The following FGF14 variants were observed in gnomAD, a reference collection of about 807,000 sequenced individuals.
FGF14 encodes the protein fibroblast growth factor homologous factor 4.
In FGF14, 5 loss-of-function variants were observed where a neutral mutation model predicts 25.5. That is an observed-to-expected ratio of 0.20 (90% CI 0.10 to 0.41). FGF14 has a LOEUF of 0.41. Among genes scored for constraint, FGF14 ranks in the 10% least tolerant of loss-of-function variants. The pLI is 1.00. For synonymous variants in FGF14, 138 were observed against 118.3 expected, an observed-to-expected ratio of 1.17 and a Z score of -1.08; for missense variants, 222 against 320.1, an observed-to-expected ratio of 0.69 and a Z score of 2.34.
At chr13:101,977,176 T>G (rs61505981) in intron 1 of FGF14, among the ~76,000 whole-genome samples, 57,330 of 146,786 alleles carry the variant, frequency 0.39, 11,015 homozygotes, top group South Asian at 0.48. Flanking sequence ...ACAACACCCA[T>G]GAGGATCCCT....
At chr13:102,237,741 C>G (rs966999575) in intron 1 of FGF14, among the ~76,000 whole-genome samples, 2 of 152,142 alleles carry the variant, frequency 1.3e-5, no homozygotes, top group African/African-American at 2.4e-5. Flanking sequence ...GTAGAACTGA[C>G]CCCTGAACAC....
intron 3 of FGF14, among the ~76,000 whole-genome samples, chr13:101,813,783 A>C (rs912994662): frequency 6.6e-6 from 1 of 152,244 alleles, no homozygotes; most frequent in Non-Finnish European, 1.5e-5. Flanking sequence ...CTCTAATGGA[A>C]GTTAATGTAG....
chr13:102,187,464 C>T (rs933361590), intron 1 of FGF14, among the ~76,000 whole-genome samples: 11 of 152,120 alleles, frequency 7.2e-5, no homozygotes, highest in East Asian at 1.9e-4. Flanking sequence ...AGAGTTCAGC[C>T]GGATCTGACT....
At chr13:101,881,416 C>T (rs1227166380) in intron 1 of FGF14, among the ~76,000 whole-genome samples, 4 of 152,326 alleles carry the variant, frequency 2.6e-5, no homozygotes, top group African/African-American at 9.6e-5. Flanking sequence ...TTATTCATCA[C>T]ATACAAAGAT....
intron 1 of FGF14, among the ~76,000 whole-genome samples, chr13:101,972,313 G>C (rs1323009069): frequency 6.6e-6 from 1 of 152,198 alleles, no homozygotes; most frequent in Non-Finnish European, 1.5e-5. Context: ...ATGACTACCT[G>C]ACTCAGGGTG....
chr13:102,132,554 T>G (rs2046246591), intron 1 of FGF14, among the ~76,000 whole-genome samples: 1 of 150,934 alleles, frequency 6.6e-6, no homozygotes. Context: ...CAGGCCTGAG[T>G]GCAGTGGCAT....
chr13:101,888,591 C>A (rs2046112423), intron 1 of FGF14, among the ~76,000 whole-genome samples: 2 of 152,054 alleles, frequency 1.3e-5, no homozygotes, highest in Admixed American at 6.6e-5. Context: ...CAAGCTTACT[C>A]TGTTGCCTTA....
chr13:101,979,562 G>A (rs1286955619), intron 1 of FGF14, among the ~76,000 whole-genome samples: 3 of 152,146 alleles, frequency 2.0e-5, no homozygotes, highest in Admixed American at 1.3e-4. Flanking sequence ...CAAACCTGGT[G>A]TGTTATTTAT....
intron 1 of FGF14, among the ~76,000 whole-genome samples, chr13:102,084,376 T>C (rs1457957928): frequency 6.6e-6 from 1 of 152,248 alleles, no homozygotes; most frequent in African/African-American, 2.4e-5. Flanking sequence ...AACTAGTTAC[T>C]GGTAAATATT....
At chr13:102,022,001 C>T (rs767722091) in intron 1 of FGF14, among the ~76,000 whole-genome samples, 3 of 152,042 alleles carry the variant, frequency 2.0e-5, no homozygotes, top group Admixed American at 6.6e-5. Flanking sequence ...TCATGATTCA[C>T]GGGGACTCCC....
chr13:102,254,281 G>A (rs1220076577), intron 1 of FGF14, among the ~76,000 whole-genome samples: 1 of 152,200 alleles, frequency 6.6e-6, no homozygotes, highest in Admixed American at 6.5e-5. Context: ...GGTTGTCTGT[G>A]AGGGTTCGGC....
rs149432566 is a variant in FGF14 at position 102,384,789 on chromosome 13, T to A, written c.208+16682A>T. Among the ~76,000 whole-genome samples the A allele has an allele frequency of 3.1e-3, 479 of 152,310 alleles. 5 individuals carry two copies. The highest frequency in any genetic ancestry group is 0.011 in the African/African-American group (469 of 41,570). On this transcript the variant is annotated intron_variant, in intron 1 of 4. Transcript: ENST00000376131. ...ACTTGGAGATCAGCTCTCAAAGTCA[T>A]CACAAGTTGATTAATTTTTAAGGAA...
intron 1 of FGF14, among the ~76,000 whole-genome samples, chr13:102,041,376 A>C (rs572188072): frequency 6.6e-6 from 1 of 152,206 alleles, no homozygotes; most frequent in East Asian, 1.9e-4. Flanking sequence ...TAGAGTCATT[A>C]TGACTATGAC....
chr13:102,371,659 G>T (rs2057888771), intron 1 of FGF14, among the ~76,000 whole-genome samples: 1 of 151,982 alleles, frequency 6.6e-6, no homozygotes, highest in South Asian at 2.1e-4. Flanking sequence ...TTAGCACTAA[G>T]CACAATTCTT....
chr13:102,192,989 CAA>C (rs1020890839), intron 1 of FGF14, among the ~76,000 whole-genome samples: 14 of 152,160 alleles, frequency 9.2e-5, no homozygotes, highest in Non-Finnish European at 2.1e-4. Flanking sequence ...GCATACACCT[CAA>C]AACTTTTCCA....
upstream of FGF14, among the ~76,000 whole-genome samples, chr13:101,921,590 A>G (rs1233457454): frequency 6.6e-6 from 1 of 152,128 alleles, no homozygotes; most frequent in African/African-American, 2.4e-5. Flanking sequence ...ACTACTACCT[A>G]CCACCATCAT....
intron 3 of FGF14, among the ~76,000 whole-genome samples, chr13:101,788,959 G>GAGAC (rs2040068988): frequency 6.1e-5 from 2 of 32,912 alleles, no homozygotes; most frequent in African/African-American, 1.4e-4. Flanking sequence ...CAGAGAGAGA[G>GAGAC]AGAGAGAGAG....
At position 101,981,096 on chromosome 13, in the gene FGF14, C is replaced by CACACAG. The variant is rs751935392; in HGVS notation, c.209-105801_209-105800insCTGTGT. Among the ~76,000 whole-genome samples, 981 of 149,488 alleles carry CACACAG rather than the reference C, an allele frequency of 6.6e-3. 2 individuals carry two copies. Among genetic ancestry groups the CACACAG allele is most frequent in the Middle Eastern group, 0.017 (5 of 292 alleles). ...GTCTCTACTAAAACACACACACACACACACACACACACACACACACACACA... is the reference window on the plus strand; with the variant it reads ...GTCTCTACTAAAACACACACACACACACACAGACACACACACACACACACACACACA... On this transcript the variant is annotated intron_variant, in intron 1 of 4. Coordinates refer to the FGF14 transcript ENST00000376131.
At chr13:101,742,304 C>T (rs1210806987) in intron 3 of FGF14, among the ~76,000 whole-genome samples, 1 of 152,126 alleles carries the variant, frequency 6.6e-6, no homozygotes, top group Non-Finnish European at 1.5e-5. Flanking sequence ...GCACGTTCTG[C>T]ACATGTATCC....
Sources: allele counts gnomAD v4.1 joint callset (sites outside exome capture counted in the v4.1 genomes callset), GRCh38; gene constraint gnomAD v4.1.1; transcripts MANE v1.5; gene names NCBI Gene and HGNC (gene_info 2026-07-23, HGNC 2026-07-21).